AIG1: variants seen among roughly 807,000 people sequenced by gnomAD.
AIG1 encodes androgen-induced gene 1 protein.
AIG1 carries 23 observed loss-of-function variants against 31.4 expected under a neutral mutation model. The ratio of observed to expected loss-of-function variants is 0.73; its 90% CI spans 0.53 to 1.04. The LOEUF is 1.04. AIG1 is among the 50% of genes least tolerant of loss of function. AIG1 has a pLI of 0.00. For synonymous variants in AIG1, 100 were observed against 110.5 expected (o/e 0.90, Z 0.60); for missense variants, 274 against 295.0 (o/e 0.93, Z 0.52).
At chr6:143,249,201 T>C (rs1437139154) in intron 3 of AIG1, among the ~76,000 whole-genome samples, 1 of 152,254 alleles carries the variant, frequency 6.6e-6, no homozygotes. Flanking sequence ...CATCCAGGTA[T>C]AGAGTTGTCC....
At chr6:143,250,758 G>A (rs1794952841) in intron 3 of AIG1, among the ~76,000 whole-genome samples, 1 of 152,102 alleles carries the variant, frequency 6.6e-6, no homozygotes, top group African/African-American at 2.4e-5. Flanking sequence ...TTGCGGCCCA[G>A]GACAGCTTTG....
chr6:143,337,333 C>A (rs1777573560), intron 5 of AIG1, among the ~76,000 whole-genome samples: 1 of 152,174 alleles, frequency 6.6e-6, no homozygotes, highest in South Asian at 2.1e-4. Context: ...AGATAACCAC[C>A]TCTCTATTTC....
rs115040125 is a variant in AIG1 at position 143,215,088 on chromosome 6, G to A, written c.399+49905G>A. Among the ~76,000 whole-genome samples the A allele has an allele frequency of 2.6e-3, 401 of 151,762 alleles. 2 individuals are homozygous for A. Among genetic ancestry groups the A allele is most frequent in the African/African-American group, 9.4e-3 (387 of 41,086 alleles). On this transcript the variant is annotated intron_variant, in intron 3 of 5. Transcript: ENST00000357847. Reference sequence around the variant, plus strand: ...TATCCCTTTGCTTCACTCTCAGCCTGGAACATTGTAGGTGCTCCGTAGGTC... The same window carrying A: ...TATCCCTTTGCTTCACTCTCAGCCTAGAACATTGTAGGTGCTCCGTAGGTC...
intron 4 of AIG1, among the ~76,000 whole-genome samples, chr6:143,307,954 C>G (rs1321036697): frequency 6.6e-6 from 1 of 152,250 alleles, no homozygotes; most frequent in Non-Finnish European, 1.5e-5. Flanking sequence ...GCAGTTTGAT[C>G]TCAGACTGCT....
chr6:143,162,392 T>C (rs977279034), intron 2 of AIG1, among the ~76,000 whole-genome samples: 1 of 152,176 alleles, frequency 6.6e-6, no homozygotes. Context: ...AAATTAATAA[T>C]TGGAGATTCT....
Position 143,285,058 on chromosome 6 carries a change from G to T in AIG1, c.515+833G>T, listed in dbSNP as rs895203839. Among the ~76,000 whole-genome samples the T allele has an allele frequency of 2.0e-5, 3 of 152,052 alleles. No individual in the cohort carries two copies. In the East Asian group the frequency reaches 5.8e-4, roughly 30 times the overall value. ...ACCATCCCCTCCTTTAAGCCCAAAGGACTGGATAGTGTTCTTCCAAAAACC... is the reference window on the plus strand; with the variant it reads ...ACCATCCCCTCCTTTAAGCCCAAAGTACTGGATAGTGTTCTTCCAAAAACC... On this transcript the variant is annotated intron_variant, in intron 4 of 5. Coordinates refer to ENST00000357847, the MANE Select transcript of AIG1 (RefSeq NM_016108.4).
intron 4 of AIG1, among the ~76,000 whole-genome samples, chr6:143,305,039 G>A (rs914924933): frequency 1.3e-5 from 2 of 152,128 alleles, no homozygotes; most frequent in African/African-American, 4.8e-5. Context: ...ATTCTCTGAT[G>A]GTAGTTTGTG....
chr6:143,096,995 C>CT (rs1206620169), intron 1 of AIG1, among the ~76,000 whole-genome samples: 1 of 152,102 alleles, frequency 6.6e-6, no homozygotes, highest in Non-Finnish European at 1.5e-5. Context: ...CATAGCTTGA[C>CT]TGTAATCAAC....
chr6:143,104,307 C>G (rs947216997), intron 1 of AIG1, among the ~76,000 whole-genome samples: 1 of 152,216 alleles, frequency 6.6e-6, no homozygotes, highest in Admixed American at 6.5e-5. Flanking sequence ...TAATATTCCT[C>G]TCATCCCTTC....
At chr6:143,142,186 C>T (rs1583305744) in intron 2 of AIG1, among the ~76,000 whole-genome samples, 1 of 152,138 alleles carries the variant, frequency 6.6e-6, no homozygotes, top group African/African-American at 2.4e-5. Context: ...GTCCTCTCAC[C>T]TCAGTCTCCC....
intron 3 of AIG1, among the ~76,000 whole-genome samples, chr6:143,180,769 A>C (rs1006124046): frequency 6.6e-6 from 1 of 152,162 alleles, no homozygotes; most frequent in African/African-American, 2.4e-5. Context: ...TTCCCATGTA[A>C]TTTATGAGGA....
chr6:143,083,247 G>A lies in AIG1; in HGVS notation c.141+22181G>A, dbSNP rs555285723. Reference sequence around the variant, plus strand: ...GCTTGATGGCACAAGGTTTCTGAACGGGCAGCTAGAAGTAAATCATCCATG... The same window carrying A: ...GCTTGATGGCACAAGGTTTCTGAACAGGCAGCTAGAAGTAAATCATCCATG... On this transcript the variant is annotated intron_variant, in intron 1 of 5. Transcript: ENST00000357847. 2.2e-4 allele frequency among the ~76,000 whole-genome samples: 33 copies of A among 152,314 alleles called. No individual in the cohort carries two copies. The South Asian group carries it at 5.0e-3, about 23-fold the overall frequency.
chr6:143,074,439 G>A (rs1007136783), intron 1 of AIG1, among the ~76,000 whole-genome samples: 2 of 152,222 alleles, frequency 1.3e-5, no homozygotes, highest in Non-Finnish European at 2.9e-5. Flanking sequence ...CAAGAGAATG[G>A]TCTAATTTTA....
chr6:143,123,085 A>G (rs941891990), intron 1 of AIG1, among the ~76,000 whole-genome samples: 17 of 152,194 alleles, frequency 1.1e-4, no homozygotes, highest in African/African-American at 3.9e-4. Flanking sequence ...GAAATATACT[A>G]TTATGGCATC....
At chr6:143,274,240 T>C (rs1796738420) in intron 3 of AIG1, among the ~76,000 whole-genome samples, 1 of 152,154 alleles carries the variant, frequency 6.6e-6, no homozygotes, top group Admixed American at 6.5e-5. Flanking sequence ...GTCCTGGTGC[T>C]CCATAGGCAG....
intron 3 of AIG1, among the ~76,000 whole-genome samples, chr6:143,174,330 T>C (rs1787926854): frequency 6.6e-6 from 1 of 151,566 alleles, no homozygotes; most frequent in Admixed American, 6.6e-5. Flanking sequence ...CTATTAAAAA[T>C]GCAAAAATTA....
At chr6:143,086,911 G>A (rs1007618089) in intron 1 of AIG1, among the ~76,000 whole-genome samples, 1 of 152,202 alleles carries the variant, frequency 6.6e-6, no homozygotes, top group East Asian at 1.9e-4. Context: ...AGTTCAGGAC[G>A]ACAGCTCTCT....
chr6:143,148,480 G>T (rs926848916), intron 2 of AIG1, among the ~76,000 whole-genome samples: 1 of 151,960 alleles, frequency 6.6e-6, no homozygotes, highest in African/African-American at 2.4e-5. Flanking sequence ...CTGCACTCCA[G>T]GCTGGGCGAT....
intron 2 of AIG1, among the ~76,000 whole-genome samples, chr6:143,159,018 T>C (rs1786072226): frequency 1.3e-5 from 2 of 152,168 alleles, no homozygotes; most frequent in South Asian, 4.1e-4. Context: ...GCAGCAACAA[T>C]AGCAAGAGCC....
Sources: allele counts gnomAD v4.1 joint callset (sites outside exome capture counted in the v4.1 genomes callset), GRCh38; gene constraint gnomAD v4.1.1; transcripts MANE v1.5; gene names NCBI Gene and HGNC (gene_info 2026-07-23, HGNC 2026-07-21).